The following MYCBP2 variants were observed in gnomAD, a reference collection of about 807,000 sequenced individuals.
MYCBP2 encodes the protein E3 ubiquitin-protein ligase MYCBP2.
Under a neutral mutation model 525.3 loss-of-function variants are expected in MYCBP2, and 120 were observed. The ratio of observed to expected loss-of-function variants is 0.23; its 90% CI spans 0.20 to 0.27. The LOEUF (loss-of-function observed/expected upper bound fraction) is 0.27, where lower values mean the gene tolerates loss of function less well. Ranked by LOEUF, MYCBP2 falls within the 10% of genes least tolerant of loss-of-function variation. The pLI is 1.00. For synonymous variants in MYCBP2, 1,894 were observed against 1,955.8 expected, an observed-to-expected ratio of 0.97 and a Z score of 0.83; for missense variants, 4,149 against 5,657.1, an observed-to-expected ratio of 0.73 and a Z score of 8.55.
chr13:77,069,865 C>T (rs1306944423), intron 69 of MYCBP2, among the ~76,000 whole-genome samples: 1 of 150,182 alleles, frequency 6.7e-6, no homozygotes, highest in African/African-American at 2.5e-5. Context: ...GAGACTCCCT[C>T]TCGAAAAAAA....
Position 77,067,649 on chromosome 13 carries a change from A to G in MYCBP2, c.12387T>C (p.Thr4129=), listed in dbSNP as rs1594187305. The stretch of plus-strand genomic sequence containing the variant: ...TGCCCACAGTGGTACCAGCTGTTCC[A>G]GTGATGGTGGTTCCTTTGGCTTTTA... ...VQLKAKGTTI[T]GTAGTTVGKG... The change falls in exon 71 of 83, where the codon ACT becomes ACC. Residue 4129 remains threonine (T), a synonymous_variant. Coordinates refer to ENST00000544440, the MANE Select transcript of MYCBP2 (RefSeq NM_015057.5). 2 of 1,614,204 alleles carry G rather than the reference A, an allele frequency of 1.2e-6. No homozygotes were observed.
chr13:77,154,086 A>G (rs2056905494), intron 46 of MYCBP2, among the ~76,000 whole-genome samples: 1 of 152,212 alleles, frequency 6.6e-6, no homozygotes, highest in Non-Finnish European at 1.5e-5. Context: ...ACAATTTATG[A>G]ACAGTCTAAA....
chr13:77,251,085 T>C, intron 15 of MYCBP2, 66 bp downstream of exon 15: 1 of 1,481,070 alleles, frequency 6.8e-7, no homozygotes, highest in Non-Finnish European at 9.3e-7. Context: ...TAGAGTATAC[T>C]CCGGAATGAT....
chr13:77,137,210 G>C (rs2053891962), intron 52 of MYCBP2, among the ~76,000 whole-genome samples: 1 of 152,144 alleles, frequency 6.6e-6, no homozygotes, highest in South Asian at 2.1e-4. Context: ...GGGTTCAAAA[G>C]CATCAAGTAA....
chr13:77,194,106 A>G, intron 27 of MYCBP2, 47 bp downstream of exon 27: 1 of 1,212,516 alleles, frequency 8.2e-7, no homozygotes, highest in Non-Finnish European at 1.2e-6. Context: ...TAAATTTTTA[A>G]TATTAAGTAT....
chr13:77,201,584 A>C (rs1566906200), intron 26 of MYCBP2, among the ~76,000 whole-genome samples: 1 of 151,342 alleles, frequency 6.6e-6, no homozygotes, highest in Non-Finnish European at 1.5e-5. Flanking sequence ...AATCAACAGA[A>C]TATACATTTT....
intron 41 of MYCBP2, among the ~76,000 whole-genome samples, 191 bp from the exon 42 acceptor site, chr13:77,165,582 A>T (rs777503158): frequency 5.9e-5 from 9 of 152,190 alleles, no homozygotes; most frequent in Non-Finnish European, 8.8e-5. Flanking sequence ...CAAAAATAAC[A>T]CTAGAAACAA....
chr13:77,244,050 T>C (rs2069416164), intron 15 of MYCBP2, 99 bp from the exon 16 acceptor site: 3 of 1,315,558 alleles, frequency 2.3e-6, no homozygotes, highest in Non-Finnish European at 3.0e-6. Context: ...ATTTTTGAAA[T>C]TGTTAAATGA....
chr13:77,262,092 T>G lies in MYCBP2; in HGVS notation c.1608A>C (p.Ala536=). The change falls in exon 11 of 83, where the codon GCA becomes GCC. Residue 536 remains alanine (A), a synonymous_variant. Transcript: ENST00000544440. ...GFDEESAILG[A]GREFALMKTA... ...TTTTCATTAGCGCAAACTCTCGTCC[T>G]GCACCAAGAATTGCTGACTCCTCAT... 2 of 1,611,872 alleles carry G rather than the reference T, an allele frequency of 1.2e-6. No individual in the cohort carries two copies. The highest frequency in any genetic ancestry group is 1.7e-6 in the Non-Finnish European group (2 of 1,178,648).
At chr13:77,094,348 A>G (rs1266059303) in intron 58 of MYCBP2, among the ~76,000 whole-genome samples, 6 of 152,192 alleles carry the variant, frequency 3.9e-5, no homozygotes, top group Non-Finnish European at 8.8e-5. Flanking sequence ...CAATATATGA[A>G]AACAGAATAC....
intron 15 of MYCBP2, among the ~76,000 whole-genome samples, chr13:77,245,606 G>A (rs537850989): frequency 7.0e-6 from 1 of 142,332 alleles, no homozygotes; most frequent in African/African-American, 2.5e-5. Flanking sequence ...GGGCCTGTTG[G>A]GGGGTGGGGG....
rs757234085 is a variant in MYCBP2 at position 77,081,800 on chromosome 13, T to C, written c.11193+37A>G. On this transcript the variant is annotated intron_variant, in intron 64 of 82. Coordinates refer to ENST00000544440, the MANE Select transcript of MYCBP2 (RefSeq NM_015057.5). This position sits in a 1 kb window ranked among gnomAD's most constrained non-coding sequence, Gnocchi z 4.6. ...GTTTCTCCTTTGATGTATTATTAACTAACAGGACAACCAGGATAATAACTG... is the reference window on the plus strand; with the variant it reads ...GTTTCTCCTTTGATGTATTATTAACCAACAGGACAACCAGGATAATAACTG... The C allele has an allele frequency of 1.9e-6, 3 of 1,590,628 alleles. No individual in the cohort carries two copies. The highest frequency in any genetic ancestry group is 2.6e-6 in the Non-Finnish European group (3 of 1,169,220).
At chr13:77,191,201 A>T (rs920821340) in intron 28 of MYCBP2, among the ~76,000 whole-genome samples, 1 of 152,214 alleles carries the variant, frequency 6.6e-6, no homozygotes, top group African/African-American at 2.4e-5. Context: ...AAAATATAAG[A>T]ATATGAACTG....
chr13:77,186,704 T>C (rs2060753058), intron 30 of MYCBP2, among the ~76,000 whole-genome samples: 1 of 152,140 alleles, frequency 6.6e-6, no homozygotes, highest in Non-Finnish European at 1.5e-5. Flanking sequence ...TTTATCATGG[T>C]TAAATGACAA....
At chr13:77,101,616 A>T (rs763139007) in intron 55 of MYCBP2, among the ~76,000 whole-genome samples, 1 of 152,070 alleles carries the variant, frequency 6.6e-6, no homozygotes, top group African/African-American at 2.4e-5. Context: ...TATTTTCTTA[A>T]GATCTGTAAG....
intron 55 of MYCBP2, among the ~76,000 whole-genome samples, chr13:77,113,989 C>T (rs968826021): frequency 2.6e-5 from 4 of 152,090 alleles, no homozygotes; most frequent in Admixed American, 2.6e-4. Flanking sequence ...AAATCAAGTG[C>T]TTCATCCACA....
At chr13:77,093,797 CT>C (rs1239571708) in intron 58 of MYCBP2, among the ~76,000 whole-genome samples, 1 of 151,968 alleles carries the variant, frequency 6.6e-6, no homozygotes. Context: ...CAAGCAGTTA[CT>C]TTTTTGGGTA....
chr13:77,308,161 A>G (rs1465903002), intron 1 of MYCBP2, among the ~76,000 whole-genome samples: 1 of 152,108 alleles, frequency 6.6e-6, no homozygotes, highest in Non-Finnish European at 1.5e-5. Context: ...CTTTCCAGCT[A>G]CTTCAAAATC....
intron 7 of MYCBP2, 147 bp downstream of exon 7, chr13:77,269,845 C>A: frequency 1.5e-6 from 1 of 665,372 alleles, no homozygotes; most frequent in Non-Finnish European, 2.5e-6. Flanking sequence ...GTGTTCTTTA[C>A]GCTACACTAT....
Sources: gnomAD v4.1 joint callset for allele counts (sites outside exome capture counted in the v4.1 genomes callset) on GRCh38, gnomAD v4.1.1 for gene constraint, Gnocchi (gnomAD v3.1) non-coding constraint, MANE v1.5 for transcripts, NCBI Gene and HGNC (gene_info 2026-07-23, HGNC 2026-07-21) for gene names.